Variants in SNTG1 observed in about 807,000 individuals in gnomAD.
The protein encoded by SNTG1 is syntrophin gamma 1.
Under a neutral mutation model 74.7 loss-of-function variants are expected in SNTG1, and 39 were observed. That is an observed-to-expected ratio of 0.52 (90% confidence interval 0.40 to 0.68). The LOEUF (loss-of-function observed/expected upper bound fraction) is 0.68. Among genes scored for constraint, SNTG1 ranks in the 30% least tolerant of loss-of-function variants. The pLI, the probability that SNTG1 is intolerant of heterozygous loss-of-function variation, is 0.00. For synonymous variants in SNTG1, 254 were observed against 217.1 expected (o/e 1.17, Z -1.49); for missense variants, 685 against 609.5 (o/e 1.12, Z -1.30).
intron 2 of SNTG1, among the ~76,000 whole-genome samples, chr8:50,206,094 A>T (rs1298341730): frequency 2.0e-5 from 3 of 152,128 alleles, no homozygotes; most frequent in Non-Finnish European, 4.4e-5. Context: ...GTTTTTTCCG[A>T]TTCTGTGAAG....
At chr8:50,695,984 G>A (rs927834380) in intron 15 of SNTG1, among the ~76,000 whole-genome samples, 7 of 151,912 alleles carry the variant, frequency 4.6e-5, no homozygotes, top group African/African-American at 1.7e-4. Flanking sequence ...TATATACCCA[G>A]TAGTGGAATT....
chr8:50,792,625 G>T (rs962670654), intron 18 of SNTG1, 46 bp from the exon 19 acceptor site: 62 of 1,523,380 alleles, frequency 4.1e-5, no homozygotes, highest in Non-Finnish European at 5.4e-5. Context: ...AATTTTTAAA[G>T]ACATTAATTT....
At chr8:50,349,351 T>C (rs982361632) in intron 2 of SNTG1, among the ~76,000 whole-genome samples, 2 of 152,160 alleles carry the variant, frequency 1.3e-5, no homozygotes, top group Non-Finnish European at 2.9e-5. Context: ...CAAGGAAAGT[T>C]AGTTTTTTAA....
At chr8:50,003,205 C>A (rs1814907124) in intron 1 of SNTG1, among the ~76,000 whole-genome samples, 1 of 152,256 alleles carries the variant, frequency 6.6e-6, no homozygotes, top group African/African-American at 2.4e-5. Flanking sequence ...GTATTAAAAA[C>A]CACTGAGTTG....
chr8:50,037,011 A>C (rs1322363807), intron 1 of SNTG1, among the ~76,000 whole-genome samples: 1 of 152,196 alleles, frequency 6.6e-6, no homozygotes. Flanking sequence ...ATCATATTTA[A>C]TGCTTCTTCA....
intron 4 of SNTG1, among the ~76,000 whole-genome samples, chr8:50,433,175 A>G (rs1210226740): frequency 2.0e-5 from 3 of 152,212 alleles, no homozygotes; most frequent in Non-Finnish European, 4.4e-5. Flanking sequence ...GCTGATATGT[A>G]AGAAAGCAAT....
At chr8:50,067,675 T>C (rs1010512240) in intron 1 of SNTG1, among the ~76,000 whole-genome samples, 1 of 152,190 alleles carries the variant, frequency 6.6e-6, no homozygotes, top group Non-Finnish European at 1.5e-5. Flanking sequence ...TGACCAACTT[T>C]CTCTTTTTGT....
chr8:50,788,431 T>C (rs1032978163), intron 18 of SNTG1, among the ~76,000 whole-genome samples: 21 of 152,046 alleles, frequency 1.4e-4, no homozygotes, highest in African/African-American at 5.1e-4. Context: ...GAAACAGGTA[T>C]GCAAATGTAG....
intron 2 of SNTG1, among the ~76,000 whole-genome samples, chr8:50,342,452 T>C (rs938439621): frequency 2.0e-5 from 3 of 152,158 alleles, no homozygotes; most frequent in Non-Finnish European, 2.9e-5. Context: ...AATTATACTC[T>C]TTGCATTGCA....
chr8:50,631,835 G>A lies in SNTG1; in HGVS notation c.850-25074G>A, dbSNP rs78678664. Among the ~76,000 whole-genome samples the A allele has an allele frequency of 6.0e-3, 916 of 152,226 alleles. 8 individuals carry two copies. The highest frequency in any genetic ancestry group is 0.021 in the African/African-American group (882 of 41,538). ...TTGCAGTTTAATGGACTGACTCTAC[G>A]CTCTGTAGTGCAGACACTGCAGAAA... is the stretch of plus-strand genomic sequence containing the variant. On this transcript the variant is annotated intron_variant, in intron 13 of 18. Coordinates refer to ENST00000642720, the MANE Select transcript of SNTG1 (RefSeq NM_018967.5).
chr8:50,714,328 T>G (rs551219710), intron 17 of SNTG1, among the ~76,000 whole-genome samples: 8 of 152,152 alleles, frequency 5.3e-5, no homozygotes, highest in African/African-American at 1.9e-4. Context: ...GGCTCTTTTT[T>G]GGTTCCCTAT....
intron 4 of SNTG1, among the ~76,000 whole-genome samples, chr8:50,402,599 A>G (rs1332389401): frequency 6.6e-6 from 1 of 152,116 alleles, no homozygotes. Flanking sequence ...TGGGAGTGAC[A>G]CTGTATTTTC....
chr8:49,963,242 T>C (rs1315343701), intron 1 of SNTG1, among the ~76,000 whole-genome samples: 2 of 152,196 alleles, frequency 1.3e-5, no homozygotes, highest in African/African-American at 2.4e-5. Flanking sequence ...CCAAGACATC[T>C]ACCCACAGCA....
chr8:50,292,612 C>A (rs1229820503), intron 2 of SNTG1, among the ~76,000 whole-genome samples: 1 of 151,962 alleles, frequency 6.6e-6, no homozygotes, highest in Non-Finnish European at 1.5e-5. Context: ...CAAGCAAAGG[C>A]ATGTGAAAGA....
At chr8:50,327,724 T>A (rs2090806765) in intron 2 of SNTG1, among the ~76,000 whole-genome samples, 1 of 152,140 alleles carries the variant, frequency 6.6e-6, no homozygotes, top group Non-Finnish European at 1.5e-5. Context: ...GCCCTTCTTC[T>A]TTGTTTCATT....
intron 2 of SNTG1, among the ~76,000 whole-genome samples, chr8:50,274,998 C>T (rs1409035810): frequency 6.6e-6 from 1 of 152,014 alleles, no homozygotes; most frequent in Admixed American, 6.6e-5. Context: ...GACTTCTCAC[C>T]TATATTTATA....
At position 50,341,035 on chromosome 8, in the gene SNTG1, T is replaced by C. The variant is rs184172050; in HGVS notation, c.-27-53177T>C. Among the ~76,000 whole-genome samples, 440 of 151,730 alleles carry C rather than the reference T, an allele frequency of 2.9e-3. 3 individuals carry two copies. Among genetic ancestry groups the C allele is most frequent in the African/African-American group, 0.01 (421 of 41,430 alleles). On this transcript the variant is annotated intron_variant, in intron 2 of 18. Coordinates refer to ENST00000642720, the MANE Select transcript of SNTG1 (RefSeq NM_018967.5). The stretch of plus-strand genomic sequence containing the variant: ...ATAGTTACAAATGAAAACAAAGAGG[T>C]TAAGATTGTTTGAGTTTTACTTAAT...
In SNTG1 at chr8:50,167,262, T is replaced by A. The variant is rs554957788; in HGVS notation, c.-102-5299T>A. 3.6e-4 allele frequency among the ~76,000 whole-genome samples: 43 copies of A among 118,670 alleles called. No individual in the cohort carries two copies. In the South Asian group the frequency reaches 0.01, roughly 28 times the overall value. 77.9% of individuals were successfully genotyped at this position (118,670 alleles called of 152,430 possible). ...CAATGTGCACATGTACCCTAAAACTTAAAGTATAATAATAATAATAAAAAA... is the reference window on the plus strand; with the variant it reads ...CAATGTGCACATGTACCCTAAAACTAAAAGTATAATAATAATAATAAAAAA... On this transcript the variant is annotated intron_variant, in intron 1 of 18. Coordinates refer to ENST00000642720, the MANE Select transcript of SNTG1 (RefSeq NM_018967.5).
intron 13 of SNTG1, among the ~76,000 whole-genome samples, chr8:50,592,577 A>C (rs2094698817): frequency 6.6e-6 from 1 of 152,186 alleles, no homozygotes; most frequent in African/African-American, 2.4e-5. Context: ...GAATTTGAAT[A>C]AATCACACAT....
Sources: allele counts gnomAD v4.1 joint callset (sites outside exome capture counted in the v4.1 genomes callset), GRCh38; gene constraint gnomAD v4.1.1; transcripts MANE v1.5; gene names NCBI Gene and HGNC (gene_info 2026-07-23, HGNC 2026-07-21).